KLF8: variants seen among roughly 807,000 people sequenced by gnomAD.
The protein encoded by KLF8 is Krueppel-like factor 8.
In KLF8, 10 loss-of-function variants were observed where a neutral mutation model predicts 18.2. The ratio of observed to expected loss-of-function variants is 0.55; its 90% CI spans 0.34 to 0.93. KLF8 has a LOEUF of 0.93. KLF8 is among the 40% of genes least tolerant of loss of function. The pLI is 0.02. For synonymous variants in KLF8, 109 were observed against 97.3 expected, an observed-to-expected ratio of 1.12 and a Z score of -0.71; for missense variants, 264 against 277.9, an observed-to-expected ratio of 0.95 and a Z score of 0.36.
chrX:56,112,105 G>A, the KLF8 span, among the ~76,000 whole-genome samples: 33 of 111,719 alleles, frequency 3.0e-4, no homozygotes, highest in African/African-American at 9.8e-5. Context: ...ATGATAGACC[G>A]GATTCAGAAA....
At chrX:56,103,881 G>A in the KLF8 span, among the ~76,000 whole-genome samples, 19 of 110,813 alleles carry the variant, frequency 1.7e-4, no homozygotes, top group Admixed American at 1.6e-3. Context: ...TTTGAGATAC[G>A]TCCCATCAAT....
At chrX:56,040,240 G>A in the KLF8 span, among the ~76,000 whole-genome samples, 1 of 111,243 alleles carries the variant, frequency 9.0e-6, no homozygotes, top group South Asian at 3.8e-4. Context: ...TGATTGCTCT[G>A]GCCAGAACTT....
the KLF8 span, among the ~76,000 whole-genome samples, chrX:55,924,830 T>G: frequency 2.0e-5 from 2 of 99,192 alleles, no homozygotes; most frequent in Non-Finnish European, 3.9e-5. Flanking sequence ...GTTTTTTTTT[T>G]GTTTTGTTTT....
At chrX:56,151,151 C>T in the KLF8 span, among the ~76,000 whole-genome samples, 1 of 111,689 alleles carries the variant, frequency 9.0e-6, no homozygotes, top group Non-Finnish European at 1.9e-5. Flanking sequence ...GGGCTGAAGA[C>T]ACAGAGGTAG....
chrX:56,064,671 T>G, the KLF8 span, among the ~76,000 whole-genome samples: 2 of 111,601 alleles, frequency 1.8e-5, no homozygotes, highest in African/African-American at 6.5e-5. Context: ...TTTATTATTT[T>G]TTGTGTTTCC....
the KLF8 span, among the ~76,000 whole-genome samples, chrX:55,932,532 C>A: frequency 9.0e-6 from 1 of 111,456 alleles, no homozygotes; most frequent in Non-Finnish European, 1.9e-5. Flanking sequence ...ATATTTAGTG[C>A]TTCCTTCAGA....
the KLF8 span, among the ~76,000 whole-genome samples, chrX:56,105,674 C>T: frequency 2.7e-5 from 3 of 110,300 alleles, no homozygotes; most frequent in African/African-American, 9.9e-5. Flanking sequence ...ATTTGCCAGT[C>T]TGTGTCTTTT....
chrX:56,233,216 C>A lies in KLF8; in HGVS notation c.-119C>A. On this transcript the variant is annotated 5_prime_UTR_variant, in exon 1 of 6. Transcript: ENST00000468660. ...GAGAAGACGAGAACGCGTCGCCCTG[C>A]GCTATGTCAGAATGGGGCGGGTGTG... is the stretch of plus-strand genomic sequence containing the variant. 2.3e-6 allele frequency: 2 copies of A among 851,975 alleles called. No homozygotes were observed. Among genetic ancestry groups the A allele is most frequent in the Non-Finnish European group, 3.5e-6 (2 of 577,475 alleles). 70.2% of individuals were successfully genotyped at this position (851,975 alleles called of 1,213,427 possible).
At chrX:55,994,351 C>G in the KLF8 span, among the ~76,000 whole-genome samples, 1 of 109,766 alleles carries the variant, frequency 9.1e-6, no homozygotes, top group African/African-American at 3.3e-5. Flanking sequence ...CTATCAATCT[C>G]ACTTATTATT....
the KLF8 span, among the ~76,000 whole-genome samples, chrX:56,042,661 G>A: frequency 7.2e-5 from 8 of 111,768 alleles, no homozygotes; most frequent in Admixed American, 9.5e-5. Flanking sequence ...AATTGCAACC[G>A]CTGTTGTTTT....
the KLF8 span, among the ~76,000 whole-genome samples, chrX:55,951,400 C>T: frequency 1.8e-4 from 19 of 104,966 alleles, no homozygotes; most frequent in African/African-American, 6.7e-4. Context: ...CGCTTCAACC[C>T]GGGAGGTGGA....
chrX:55,932,859 T>C, the KLF8 span, among the ~76,000 whole-genome samples: 5 of 111,658 alleles, frequency 4.5e-5, no homozygotes, highest in Non-Finnish European at 7.5e-5. Context: ...AGGTTGCTCT[T>C]CTCGAGGAGT....
chrX:56,019,188 C>T, the KLF8 span, among the ~76,000 whole-genome samples: 13 of 112,167 alleles, frequency 1.2e-4, no homozygotes, highest in South Asian at 4.8e-3. Flanking sequence ...ATATGATAGT[C>T]TCCTGACTAC....
chrX:55,945,295 A>C, the KLF8 span, among the ~76,000 whole-genome samples: 1 of 111,005 alleles, frequency 9.0e-6, no homozygotes, highest in Non-Finnish European at 1.9e-5. Context: ...TGCTGAAAAA[A>C]ATGTATATTC....
chrX:56,174,840 C>T, the KLF8 span, among the ~76,000 whole-genome samples: 1 of 111,541 alleles, frequency 9.0e-6, no homozygotes, highest in Non-Finnish European at 1.9e-5. Context: ...TGTATGTGTC[C>T]AGGAATTTAT....
the KLF8 span, among the ~76,000 whole-genome samples, chrX:56,159,961 G>A: frequency 9.0e-6 from 1 of 111,193 alleles, no homozygotes; most frequent in Admixed American, 9.7e-5. Context: ...TGCTTCTCTA[G>A]TTCTTTTAAT....
the KLF8 span, among the ~76,000 whole-genome samples, chrX:56,124,561 T>A: frequency 1.8e-5 from 2 of 111,801 alleles, no homozygotes; most frequent in Admixed American, 1.9e-4. Flanking sequence ...CCGTAGGCAA[T>A]TGTGGCCTAT....
At chrX:56,084,250 G>T in the KLF8 span, among the ~76,000 whole-genome samples, 2 of 110,484 alleles carry the variant, frequency 1.8e-5, no homozygotes. Context: ...AAGCGTGGTG[G>T]CACATGCCTG....
the KLF8 span, among the ~76,000 whole-genome samples, chrX:56,165,706 A>T: frequency 1.9e-4 from 21 of 111,410 alleles, no homozygotes; most frequent in African/African-American, 6.5e-4. Context: ...TCAAGAAAAA[A>T]ATAAATTAGC....
Sources: allele counts gnomAD v4.1 joint callset (sites outside exome capture counted in the v4.1 genomes callset), GRCh38; gene constraint gnomAD v4.1.1; transcripts MANE v1.5; gene names NCBI Gene and HGNC (gene_info 2026-07-23, HGNC 2026-07-21).